Variants in SBF2 observed in about 807,000 individuals in gnomAD.
SBF2 encodes the protein myotubularin-related protein 13.
Under a neutral mutation model 225.2 loss-of-function variants are expected in SBF2, and 112 were observed. The ratio of observed to expected loss-of-function variants is 0.50; its 90% confidence interval spans 0.43 to 0.58. The LOEUF is 0.58. SBF2 is among the 20% of genes least tolerant of loss of function. The probability of loss-of-function intolerance (pLI) is 0.00; values close to 1 mark genes in which losing one functional copy is unlikely to be tolerated. For missense variants in SBF2, 1,996 were observed against 2,206.2 expected, an observed-to-expected ratio of 0.90 and a Z score of 1.91; for synonymous variants, 763 against 773.3, an observed-to-expected ratio of 0.99 and a Z score of 0.22.
intron 2 of SBF2, among the ~76,000 whole-genome samples, chr11:10,187,708 C>T (rs745358991): frequency 6.6e-6 from 1 of 152,036 alleles, no homozygotes; most frequent in Non-Finnish European, 1.5e-5. Flanking sequence ...GCAAACCCCA[C>T]TCCCATCTAC....
At chr11:9,912,396 C>G (rs1862709078) in intron 16 of SBF2, among the ~76,000 whole-genome samples, 1 of 151,386 alleles carries the variant, frequency 6.6e-6, no homozygotes. Context: ...ACCAGCCTGG[C>G]CAACATGGTG....
intron 17 of SBF2, among the ~76,000 whole-genome samples, chr11:9,879,004 T>C (rs1859521792): frequency 6.6e-6 from 1 of 152,196 alleles, no homozygotes; most frequent in East Asian, 1.9e-4. Flanking sequence ...GCTGCAGAAA[T>C]TAAAAACAGA....
At chr11:10,270,456 A>G (rs2957671) in intron 1 of SBF2, among the ~76,000 whole-genome samples, 41,576 of 152,162 alleles carry the variant, frequency 0.27, 6,458 homozygotes, top group Non-Finnish European at 0.35. Flanking sequence ...GATCATCACA[A>G]AGGTCTTCAT....
At chr11:9,912,933 T>A (rs930619217) in intron 16 of SBF2, among the ~76,000 whole-genome samples, 1 of 152,132 alleles carries the variant, frequency 6.6e-6, no homozygotes, top group African/African-American at 2.4e-5. Context: ...TATAAAACAT[T>A]AAGAACAAAA....
intron 16 of SBF2, among the ~76,000 whole-genome samples, chr11:9,943,758 T>C (rs1200471465): frequency 6.6e-6 from 1 of 152,162 alleles, no homozygotes; most frequent in Non-Finnish European, 1.5e-5. Context: ...TGTGAGGCAA[T>C]AGAAACTCTC....
rs369999482 is a variant in SBF2, at chr11:9,952,737, T to C, written c.1860+9220A>G. Among the ~76,000 whole-genome samples the C allele has an allele frequency of 3.5e-4, 53 of 152,240 alleles. 1 individual carries two copies. The South Asian group carries it at 0.011, about 31-fold the overall frequency. On this transcript the variant is annotated intron_variant, in intron 16 of 39. Coordinates refer to ENST00000256190, the MANE Select transcript of SBF2 (RefSeq NM_030962.4). ...CAGGTTACTCCATCTACTGTTCTCA[T>C]CTCTTCTCCAACCACATTTCTACAC... is the stretch of plus-strand genomic sequence containing the variant.
At chr11:10,294,534 C>G (rs961669426), upstream of SBF2, among the ~76,000 whole-genome samples, 5 of 152,340 alleles carry the variant, frequency 3.3e-5, no homozygotes, top group African/African-American at 1.2e-4. Flanking sequence ...TGAGGGGTCA[C>G]TTGGAAAGCT....
intron 1 of SBF2, among the ~76,000 whole-genome samples, chr11:10,196,876 T>TTTTTTTTTTTTTC (rs71034756): frequency 3.4e-4 from 41 of 119,066 alleles, no homozygotes; most frequent in African/African-American, 1.2e-3. Context: ...ATTTTTTTTT[T>TTTTTTTTTTTTTC]CCTACAAAAT....
chr11:10,022,283 G>C (rs1419675251), intron 6 of SBF2, among the ~76,000 whole-genome samples: 1 of 152,094 alleles, frequency 6.6e-6, no homozygotes. Flanking sequence ...TAACGTCCCT[G>C]AAGATATTCC....
At chr11:9,954,542 C>A (rs1294130364) in intron 16 of SBF2, among the ~76,000 whole-genome samples, 3 of 152,178 alleles carry the variant, frequency 2.0e-5, no homozygotes, top group Non-Finnish European at 4.4e-5. Flanking sequence ...TCAACAACAG[C>A]ATGTGCTTGA....
chr11:9,876,330 CTCTT>C (rs1859233118), intron 17 of SBF2, among the ~76,000 whole-genome samples: 1 of 152,206 alleles, frequency 6.6e-6, no homozygotes, highest in Admixed American at 6.5e-5. Context: ...TGTTTGCTCT[CTCTT>C]TATTTACTAT....
At chr11:9,942,128 G>A (rs1483434947) in intron 16 of SBF2, among the ~76,000 whole-genome samples, 1 of 152,182 alleles carries the variant, frequency 6.6e-6, no homozygotes, top group Admixed American at 6.5e-5. Context: ...CTGGAGTGCG[G>A]TGGCACAATC....
At chr11:10,078,298 T>A (rs970460652) in intron 2 of SBF2, among the ~76,000 whole-genome samples, 3 of 152,250 alleles carry the variant, frequency 2.0e-5, no homozygotes, top group Non-Finnish European at 4.4e-5. Flanking sequence ...CAAAGGATTA[T>A]CAATCATTCT....
chr11:10,188,116 T>C (rs1280105207), intron 2 of SBF2, among the ~76,000 whole-genome samples: 4 of 152,128 alleles, frequency 2.6e-5, no homozygotes, highest in South Asian at 2.1e-4. Flanking sequence ...CTTAGAGAAA[T>C]TGGGACAGCA....
chr11:10,139,706 G>A (rs1954553383), intron 2 of SBF2, among the ~76,000 whole-genome samples: 1 of 152,160 alleles, frequency 6.6e-6, no homozygotes, highest in Non-Finnish European at 1.5e-5. Flanking sequence ...AAAAAGGATG[G>A]TGTTAAGTAA....
At chr11:10,217,624 T>C (rs1426367291) in intron 1 of SBF2, among the ~76,000 whole-genome samples, 1 of 152,162 alleles carries the variant, frequency 6.6e-6, no homozygotes, top group Non-Finnish European at 1.5e-5. Flanking sequence ...AAGTCAGAGA[T>C]GATGAGATGC....
At chr11:9,869,443 C>G in intron 17 of SBF2, among the ~76,000 whole-genome samples, 1 of 152,038 alleles carries the variant, frequency 6.6e-6, no homozygotes, top group East Asian at 1.9e-4. Flanking sequence ...CTCAGCCTCC[C>G]GAGTAGCTGG....
intron 16 of SBF2, 33 bp from the exon 17 acceptor site, chr11:9,896,044 G>T (rs747230477): frequency 6.5e-7 from 1 of 1,534,254 alleles, no homozygotes; most frequent in East Asian, 2.3e-5. Context: ...AGAGCATTAG[G>T]ATATTTACCA....
intron 13 of SBF2, among the ~76,000 whole-genome samples, chr11:9,979,831 A>T (rs11603440): frequency 0.2 from 29,629 of 145,844 alleles, 3,837 homozygotes; most frequent in Non-Finnish European, 0.3. Context: ...TTTTTTTGAG[A>T]CAGGGTCTTG....
Sources: allele counts gnomAD v4.1 joint callset (sites outside exome capture counted in the v4.1 genomes callset), GRCh38; gene constraint gnomAD v4.1.1; transcripts MANE v1.5; gene names NCBI Gene and HGNC (gene_info 2026-07-23, HGNC 2026-07-21).